Variants in RIMS2 observed in about 807,000 individuals in gnomAD.
The protein encoded by RIMS2 is regulating synaptic membrane exocytosis protein 2.
In RIMS2, 59 loss-of-function variants were observed where a neutral mutation model predicts 174.4. The observed-to-expected ratio is 0.34, with a 90% CI of 0.27 to 0.42. RIMS2 has a LOEUF of 0.42. RIMS2 is among the 10% of genes least tolerant of loss of function. RIMS2 has a pLI of 1.00. For missense variants in RIMS2, 1,620 were observed against 1,666.3 expected (o/e 0.97, Z 0.48); for synonymous variants, 606 against 572.5 (o/e 1.06, Z -0.84).
At chr8:103,979,554 C>T (rs1437093318) in intron 16 of RIMS2, among the ~76,000 whole-genome samples, 1 of 152,164 alleles carries the variant, frequency 6.6e-6, no homozygotes, top group Non-Finnish European at 1.5e-5. Context: ...GTGCACCATT[C>T]ATATCTTCAC....
At chr8:103,633,076 G>C (rs73284473) in intron 1 of RIMS2, among the ~76,000 whole-genome samples, 51,529 of 148,310 alleles carry the variant, frequency 0.35, 9,671 homozygotes, top group East Asian at 0.77. Context: ...ACCCAGGCTG[G>C]AGTGCAGTGG....
rs573287878 is a variant in RIMS2, at chr8:104,223,412, C to G, written c.3335-21504C>G. 1,236 of 1,275,984 alleles carry G rather than the reference C, an allele frequency of 9.7e-4. 7 individuals are homozygous for G. In the Middle Eastern group the frequency reaches 0.015, roughly 16 times the overall value. 79.0% of individuals were successfully genotyped at this position (1,275,984 alleles called of 1,614,324 possible). The stretch of plus-strand genomic sequence containing the variant: ...GGACGTTCACTGCGAGCAGCCGCTC[C>G]GCCCGCCACCGCCTCCATCTCCTCC... On this transcript the variant is annotated intron_variant, in intron 19 of 23. Coordinates refer to ENST00000504942, the Ensembl canonical transcript of RIMS2.
At chr8:103,517,407 A>T (rs1294835307) in intron 1 of RIMS2, among the ~76,000 whole-genome samples, 1 of 152,166 alleles carries the variant, frequency 6.6e-6, no homozygotes, top group Non-Finnish European at 1.5e-5. Flanking sequence ...GATGGAAAGA[A>T]GGGATGGAGT....
rs112199453 is a variant in RIMS2 at position 104,015,281 on chromosome 8, A to C, written c.3334+666A>C. 30 of 463,196 alleles carry C rather than the reference A, an allele frequency of 6.5e-5. 3 individuals carry two copies. The highest frequency in any genetic ancestry group is 2.8e-4 in the African/African-American group (14 of 49,720). The allele number at this position is 463,196 out of a possible 1,614,324, so 28.7% of individuals were successfully genotyped here. Reference sequence around the variant, plus strand: ...ATGTGCTTTGCAAATAATACATATAAGTTTAAATCATTTAACTTTTCTCTA... The same window carrying C: ...ATGTGCTTTGCAAATAATACATATACGTTTAAATCATTTAACTTTTCTCTA... On this transcript the variant is annotated intron_variant, in intron 19 of 23. Coordinates refer to ENST00000504942, the Ensembl canonical transcript of RIMS2.
intron 1 of RIMS2, among the ~76,000 whole-genome samples, chr8:103,636,210 A>T (rs2096070015): frequency 6.6e-6 from 1 of 151,996 alleles, no homozygotes; most frequent in Non-Finnish European, 1.5e-5. Context: ...TTATCTTGTG[A>T]GGTGCTGTGG....
chr8:103,725,250 ATAAT>A (rs1332226638), intron 2 of RIMS2, among the ~76,000 whole-genome samples: 1 of 152,180 alleles, frequency 6.6e-6, no homozygotes, highest in African/African-American at 2.4e-5. Flanking sequence ...TAACTTGTAC[ATAAT>A]AAGATGCACA....
intron 19 of RIMS2, among the ~76,000 whole-genome samples, chr8:104,194,493 G>GT (rs1336472216): frequency 6.6e-6 from 1 of 152,092 alleles, no homozygotes; most frequent in Non-Finnish European, 1.5e-5. Flanking sequence ...TAGATATAGG[G>GT]TGGGGACATG....
At chr8:104,226,957 A>T (rs2441793) in intron 19 of RIMS2, among the ~76,000 whole-genome samples, 28,447 of 152,174 alleles carry the variant, frequency 0.19, 2,918 homozygotes, top group Non-Finnish European at 0.23. Flanking sequence ...AAGAACAATA[A>T]TAAAAGTTTC....
chr8:103,662,287 A>G (rs2096610890), intron 1 of RIMS2, among the ~76,000 whole-genome samples: 1 of 152,224 alleles, frequency 6.6e-6, no homozygotes, highest in Non-Finnish European at 1.5e-5. Flanking sequence ...AATACAAATC[A>G]GATCATATCA....
intron 19 of RIMS2, among the ~76,000 whole-genome samples, chr8:104,193,916 C>T (rs1586985301): frequency 6.6e-6 from 1 of 152,044 alleles, no homozygotes. Flanking sequence ...ATCTTGCTAG[C>T]TGTCATCTGG....
At chr8:103,650,434 G>A (rs1423039273) in intron 1 of RIMS2, among the ~76,000 whole-genome samples, 1 of 152,182 alleles carries the variant, frequency 6.6e-6, no homozygotes, top group African/African-American at 2.4e-5. Context: ...GAAGCAATCA[G>A]GTGGCCCTTT....
chr8:104,226,006 G>T (rs1258140190), intron 19 of RIMS2, among the ~76,000 whole-genome samples: 11 of 152,102 alleles, frequency 7.2e-5, no homozygotes, highest in Non-Finnish European at 7.4e-5. Flanking sequence ...GAAATCATTG[G>T]CCTAAAGCAG....
intron 9 of RIMS2, 102 bp downstream of exon 12, chr8:103,918,589 C>T (rs763930693): frequency 1.2e-6 from 1 of 844,996 alleles, no homozygotes; most frequent in African/African-American, 1.7e-5. Flanking sequence ...AATATGATAA[C>T]CTTGTTATCA....
chr8:104,042,836 G>T (rs1177238928), intron 19 of RIMS2, among the ~76,000 whole-genome samples: 1 of 151,478 alleles, frequency 6.6e-6, no homozygotes, highest in Non-Finnish European at 1.5e-5. Flanking sequence ...TAGCATATCA[G>T]CATTCAAGTG....
intron 3 of RIMS2, among the ~76,000 whole-genome samples, chr8:103,862,325 A>G (rs935811789): frequency 6.6e-6 from 1 of 151,986 alleles, no homozygotes; most frequent in Non-Finnish European, 1.5e-5. Flanking sequence ...ATTCTGTTCC[A>G]TTGATCTATG....
intron 1 of RIMS2, among the ~76,000 whole-genome samples, chr8:103,596,580 T>G (rs2094486259): frequency 6.6e-6 from 1 of 152,088 alleles, no homozygotes; most frequent in Non-Finnish European, 1.5e-5. Flanking sequence ...ATGTTATTGT[T>G]AACTATAGTG....
chr8:103,963,860 C>A (rs1239572896), intron 15 of RIMS2, among the ~76,000 whole-genome samples: 1 of 152,152 alleles, frequency 6.6e-6, no homozygotes, highest in Non-Finnish European at 1.5e-5. Flanking sequence ...TTTCTCCTAA[C>A]CCCTGGCAAT....
intron 4 of RIMS2, among the ~76,000 whole-genome samples, chr8:103,892,430 C>A (rs975634522): frequency 6.6e-6 from 1 of 151,716 alleles, no homozygotes; most frequent in African/African-American, 2.4e-5. Context: ...TCTTGAACAC[C>A]TGGGCTCCAG....
intron 17 of RIMS2, among the ~76,000 whole-genome samples, chr8:104,002,323 A>C (rs2095421757): frequency 6.6e-6 from 1 of 152,056 alleles, no homozygotes; most frequent in Non-Finnish European, 1.5e-5. Flanking sequence ...CAGAAGTTGA[A>C]TCCATTCTCA....
Sources: allele counts gnomAD v4.1 joint callset (sites outside exome capture counted in the v4.1 genomes callset), GRCh38; gene constraint gnomAD v4.1.1; transcripts MANE v1.5; gene names NCBI Gene and HGNC (gene_info 2026-07-23, HGNC 2026-07-21).